KLF12: variants seen among roughly 807,000 people sequenced by gnomAD.
KLF12 encodes the protein Krueppel-like factor 12.
A neutral mutation model predicts 37.8 loss-of-function variants in KLF12; 9 were observed. The observed-to-expected ratio is 0.24, with a 90% CI of 0.14 to 0.42. The LOEUF (loss-of-function observed/expected upper bound fraction) is 0.42. KLF12 is among the 10% of genes least tolerant of loss of function. The pLI is 1.00. For synonymous variants in KLF12, 208 were observed against 202.1 expected, an observed-to-expected ratio of 1.03 and a Z score of -0.25; for missense variants, 411 against 516.0, an observed-to-expected ratio of 0.80 and a Z score of 1.97.
In KLF12 at chr13:73,853,737, TAAA is replaced by T. The variant is rs10715902; in HGVS notation, c.124-7367_124-7365del. 1.4e-4 allele frequency among the ~76,000 whole-genome samples: 19 copies of T among 139,620 alleles called. 1 individual carries two copies. The highest frequency in any genetic ancestry group is 2.4e-4 in the African/African-American group (9 of 37,352). The allele number at this position is 139,620 out of a possible 152,430, so 91.6% of individuals were successfully genotyped here. On this transcript the variant is annotated intron_variant, in intron 3 of 7. Transcript: ENST00000377669. ...CTGGTCGACAGAGTGAGACCCTGTCTAAAAAAAAAAAAAAAATGGTAAGCAGAC... is the reference window on the plus strand; with the variant it reads ...CTGGTCGACAGAGTGAGACCCTGTCTAAAAAAAAAAAAATGGTAAGCAGAC...
At chr13:73,786,884 C>G (rs114721903) in intron 5 of KLF12, among the ~76,000 whole-genome samples, 1 of 152,034 alleles carries the variant, frequency 6.6e-6, no homozygotes. Flanking sequence ...CTGATCACAC[C>G]GCTGCACTCT....
chr13:74,044,760 G>A (rs115733682), intron 1 of KLF12, among the ~76,000 whole-genome samples: 1,874 of 151,750 alleles, frequency 0.012, 41 homozygotes, highest in African/African-American at 0.043. Context: ...CAAGGGATTC[G>A]CTTGAACCCG....
At chr13:74,064,181 A>G (rs760135726) in intron 1 of KLF12, among the ~76,000 whole-genome samples, 4 of 152,314 alleles carry the variant, frequency 2.6e-5, no homozygotes, top group East Asian at 1.9e-4. Context: ...CCATCTTGCA[A>G]TGGTGATGAT....
chr13:74,096,915 A>G (rs1028571115), intron 1 of KLF12, among the ~76,000 whole-genome samples: 4 of 152,170 alleles, frequency 2.6e-5, no homozygotes, highest in African/African-American at 9.7e-5. Context: ...AGAGCATGAC[A>G]TTTTGAAACA....
At chr13:74,260,591 A>ATAAGATAAG in the KLF12 span, among the ~76,000 whole-genome samples, 1 of 110,972 alleles carries the variant, frequency 9.0e-6, no homozygotes, top group African/African-American at 6.3e-5. Flanking sequence ...AATAAAATAA[A>ATAAGATAAG]ATAAAATAAA....
chr13:73,820,906 G>A (rs934569878), intron 4 of KLF12, among the ~76,000 whole-genome samples: 3 of 152,048 alleles, frequency 2.0e-5, no homozygotes, highest in Admixed American at 6.6e-5. Flanking sequence ...CCTTGGCCTC[G>A]GGGATAGGCA....
the KLF12 span, among the ~76,000 whole-genome samples, chr13:74,174,701 A>G: frequency 6.6e-6 from 1 of 152,158 alleles, no homozygotes; most frequent in East Asian, 1.9e-4. Flanking sequence ...CAAAAAAGTC[A>G]CAACTTTCCA....
chr13:74,058,918 C>T (rs933411540), intron 1 of KLF12, among the ~76,000 whole-genome samples: 1 of 152,128 alleles, frequency 6.6e-6, no homozygotes, highest in Non-Finnish European at 1.5e-5. Flanking sequence ...TCATTGTACC[C>T]AAAAGGTAAT....
chr13:74,044,970 ACT>A (rs1305342109), intron 1 of KLF12, among the ~76,000 whole-genome samples: 1 of 152,192 alleles, frequency 6.6e-6, no homozygotes, highest in African/African-American at 2.4e-5. Flanking sequence ...ATGAATCCAC[ACT>A]GATATAAAAA....
chr13:73,959,245 C>T (rs2139452629), intron 2 of KLF12, among the ~76,000 whole-genome samples: 1 of 152,150 alleles, frequency 6.6e-6, no homozygotes, highest in African/African-American at 2.4e-5. Context: ...CTTGCTACCC[C>T]ACATAAAACT....
intron 1 of KLF12, among the ~76,000 whole-genome samples, chr13:74,077,107 A>C (rs781089994): frequency 2.0e-5 from 3 of 152,190 alleles, no homozygotes; most frequent in Non-Finnish European, 4.4e-5. Context: ...CAATGAACCT[A>C]AGTATGCATG....
intron 5 of KLF12, among the ~76,000 whole-genome samples, chr13:73,774,301 C>CTATAT (rs113672381): frequency 1.5e-5 from 2 of 134,560 alleles, no homozygotes; most frequent in Non-Finnish European, 3.2e-5. Context: ...CACACACACA[C>CTATAT]ATCTATATAT....
chr13:73,976,309 C>G (rs1454906057), intron 2 of KLF12, among the ~76,000 whole-genome samples: 1 of 152,134 alleles, frequency 6.6e-6, no homozygotes, highest in African/African-American at 2.4e-5. Flanking sequence ...TAGGAGCACG[C>G]CCCTCTGGAG....
At chr13:73,824,991 C>T (rs568594663) in intron 4 of KLF12, among the ~76,000 whole-genome samples, 1 of 152,116 alleles carries the variant, frequency 6.6e-6, no homozygotes, top group South Asian at 2.1e-4. Flanking sequence ...ATCGCTTGAA[C>T]CCAGGAGGCG....
chr13:74,029,814 TCTC>T (rs1893069849), intron 1 of KLF12, among the ~76,000 whole-genome samples: 1 of 151,966 alleles, frequency 6.6e-6, no homozygotes, highest in African/African-American at 2.4e-5. Flanking sequence ...CATAACTTAA[TCTC>T]CTAAGAACAC....
At chr13:74,027,049 C>A (rs1218777941) in intron 1 of KLF12, among the ~76,000 whole-genome samples, 2 of 152,094 alleles carry the variant, frequency 1.3e-5, no homozygotes, top group South Asian at 2.1e-4. Context: ...AAAGAGCCAG[C>A]AAGTTAGACA....
the KLF12 span, among the ~76,000 whole-genome samples, chr13:74,143,873 A>C: frequency 6.6e-6 from 1 of 152,212 alleles, no homozygotes; most frequent in African/African-American, 2.4e-5. Flanking sequence ...TGCCAACTGT[A>C]GGCTAATGTT....
intron 6 of KLF12, among the ~76,000 whole-genome samples, chr13:73,764,265 G>A (rs1241299788): frequency 6.6e-6 from 1 of 151,808 alleles, no homozygotes; most frequent in African/African-American, 2.4e-5. Flanking sequence ...TAACTTTGTG[G>A]AATGGAGTAA....
intron 2 of KLF12, among the ~76,000 whole-genome samples, chr13:73,989,887 C>G (rs1891921048): frequency 6.6e-6 from 1 of 151,424 alleles, no homozygotes; most frequent in African/African-American, 2.4e-5. Flanking sequence ...TTCATAGACT[C>G]CAAAAAATTA....
Sources: gnomAD v4.1 joint callset for allele counts (sites outside exome capture counted in the v4.1 genomes callset) on GRCh38, gnomAD v4.1.1 for gene constraint, MANE v1.5 for transcripts, NCBI Gene and HGNC (gene_info 2026-07-23, HGNC 2026-07-21) for gene names.